Variants in MEST observed in about 807,000 individuals in gnomAD.
MEST encodes mesoderm-specific transcript homolog protein.
A neutral mutation model predicts 50.9 loss-of-function variants in MEST; 18 were observed. That is an observed-to-expected ratio of 0.35 (90% CI 0.24 to 0.52). MEST has a LOEUF of 0.52. Ranked by LOEUF, MEST falls within the 20% of genes least tolerant of loss-of-function variation. MEST has a pLI of 0.94. For missense variants in MEST, 282 were observed against 425.3 expected (o/e 0.66, Z 2.96); for synonymous variants, 130 against 154.1 (o/e 0.84, Z 1.16).
rs1799375895 is a variant in MEST, at chr7:130,503,978, A to T, written c.872A>T (p.Glu291Val). 2 of 1,613,264 alleles carry T rather than the reference A, an allele frequency of 1.2e-6. No individual in the cohort carries two copies. The highest frequency in any genetic ancestry group is 4.5e-5 in the East Asian group (2 of 44,876). The change falls in exon 11 of 12, where the codon GAG becomes GTG. Residue 291 changes from glutamate to valine, a missense_variant. Transcript: ENST00000223215. ...GPLDPVNPYP[E>V]FLELYRKTLP... Reference sequence around the variant, plus strand: ...TTGGATCCTGTAAATCCCTATCCAGAGTTTTTGGAGCTGTACAGGTGAGTC... The same window carrying T: ...TTGGATCCTGTAAATCCCTATCCAGTGTTTTTGGAGCTGTACAGGTGAGTC...
chr7:130,503,794 C>G, intron 10 of MEST, 139 bp from the exon 11 acceptor site: 1 of 637,560 alleles, frequency 1.6e-6, no homozygotes, highest in Non-Finnish European at 2.8e-6. Flanking sequence ...CCAGCCTGAG[C>G]AAGGGAGAGA....
At chr7:130,496,071 T>C (rs868992913) in intron 2 of MEST, 1 of 470,042 alleles carries the variant, frequency 2.1e-6, no homozygotes, top group Non-Finnish European at 4.4e-6. Context: ...TTAACCTCAT[T>C]TTATAGGTGA....
Position 130,500,957 on chromosome 7 carries a change from C to T in MEST, c.749+67C>T. On this transcript the variant is annotated intron_variant, in intron 9 of 11. Transcript: ENST00000223215. The surrounding 1 kb of genome is among the most constrained non-coding windows in gnomAD (Gnocchi z 5.0). ...TTGTGGAGAGTGGGGATTGCTTGTTCTGTTCCTTGCTGGCTTATTCCCTAT... is the reference window on the plus strand; with the variant it reads ...TTGTGGAGAGTGGGGATTGCTTGTTTTGTTCCTTGCTGGCTTATTCCCTAT... The T allele has an allele frequency of 7.4e-7, 1 of 1,351,132 alleles. No homozygotes were observed. The allele number at this position is 1,351,132 out of a possible 1,614,324, so 83.7% of individuals were successfully genotyped here. A position where few individuals can be genotyped will look rare whatever the true frequency, so the allele number is the denominator to read the frequency against.
chr7:130,497,066 T>C lies in MEST; in HGVS notation c.182-90T>C. 3 of 1,055,352 alleles carry C rather than the reference T, an allele frequency of 2.8e-6. No homozygotes were observed. The highest frequency in any genetic ancestry group is 1.6e-5 in the South Asian group (1 of 61,820). 65.4% of individuals were successfully genotyped at this position (1,055,352 alleles called of 1,614,324 possible). A position where few individuals can be genotyped will look rare whatever the true frequency, so the allele number is the denominator to read the frequency against. ...ATGTCAATTTGGTCACAGTTGCTTG[T>C]TCTTTGTATCAGATTACTTAGATTT... is the stretch of plus-strand genomic sequence containing the variant. On this transcript the variant is annotated intron_variant, in intron 2 of 11. Transcript: ENST00000223215. This position sits in a 1 kb window ranked among gnomAD's most constrained non-coding sequence, Gnocchi z 4.0.
At chr7:130,488,578 G>C (rs565396740), upstream of MEST, 54 of 152,316 alleles carry the variant, frequency 3.5e-4, no homozygotes, top group African/African-American at 1.3e-3. Flanking sequence ...CTAACACTTA[G>C]CGTTCCGAGC....
chr7:130,488,741 A>T (rs554275308), upstream of MEST: 4 of 152,164 alleles, frequency 2.6e-5, no homozygotes, highest in Non-Finnish European at 4.4e-5. Context: ...CATTTAGTTG[A>T]CCTTCTCTGA....
At position 130,500,993 on chromosome 7, in the gene MEST, C is replaced by A; in HGVS notation, c.749+103C>A. On this transcript the variant is annotated intron_variant, in intron 9 of 11. Transcript: ENST00000223215. This position sits in a 1 kb window ranked among gnomAD's most constrained non-coding sequence, Gnocchi z 5.0. Reference sequence around the variant, plus strand: ...TGGCTTATTCCCTATCACAGGAAGGCTGATGATGACCTATGGGGCAAACCA... The same window carrying A: ...TGGCTTATTCCCTATCACAGGAAGGATGATGATGACCTATGGGGCAAACCA... 1 of 967,380 alleles carries A rather than the reference C, an allele frequency of 1.0e-6. No individual in the cohort carries two copies. The highest frequency in any genetic ancestry group is 1.6e-6 in the Non-Finnish European group (1 of 644,454). The allele number at this position is 967,380 out of a possible 1,614,324, so 59.9% of individuals were successfully genotyped here.
chr7:130,497,630 A>G lies in MEST; in HGVS notation c.262-306A>G. On this transcript the variant is annotated intron_variant, in intron 3 of 11. Transcript: ENST00000223215. The surrounding 1 kb of genome is among the most constrained non-coding windows in gnomAD (Gnocchi z 4.0). Reference sequence around the variant, plus strand: ...GTTGTCAGCACCAGAAGGCTCTTGCACATTTGAATTGCTTTTAAAAAAACA... The same window carrying G: ...GTTGTCAGCACCAGAAGGCTCTTGCGCATTTGAATTGCTTTTAAAAAAACA... 2.9e-6 allele frequency: 1 copy of G among 345,108 alleles called. No homozygotes were observed. The highest frequency in any genetic ancestry group is 5.0e-5 in the South Asian group (1 of 19,892). The allele number at this position is 345,108 out of a possible 1,614,324, so 21.4% of individuals were successfully genotyped here.
At chr7:130,495,778 G>GTTTTTT (rs71178591) in intron 2 of MEST, 2,978 of 189,466 alleles carry the variant, frequency 0.016, 80 homozygotes, top group East Asian at 0.051. Context: ...TCCAATATTA[G>GTTTTTT]TTTTTTTTTT....
chr7:130,497,650 A>C lies in MEST; in HGVS notation c.262-286A>C. 1 of 387,906 alleles carries C rather than the reference A, an allele frequency of 2.6e-6. No homozygotes were observed. The highest frequency in any genetic ancestry group is 7.1e-4 in the Middle Eastern group (1 of 1,408). 24.0% of individuals were successfully genotyped at this position (387,906 alleles called of 1,614,324 possible). On this transcript the variant is annotated intron_variant, in intron 3 of 11. Transcript: ENST00000223215. This position sits in a 1 kb window ranked among gnomAD's most constrained non-coding sequence, Gnocchi z 4.0. Reference sequence around the variant, plus strand: ...CTTGCACATTTGAATTGCTTTTAAAAAAACATTAAATGTTGAACTGTTCCT... The same window carrying C: ...CTTGCACATTTGAATTGCTTTTAAACAAACATTAAATGTTGAACTGTTCCT...
At chr7:130,493,070 A>C (rs1554435861) in intron 1 of MEST, 1 of 152,128 alleles carries the variant, frequency 6.6e-6, no homozygotes, top group East Asian at 1.9e-4. Flanking sequence ...TTCAAGACCC[A>C]GGTATCACGG....
Position 130,498,444 on chromosome 7 carries a change from C to T in MEST, c.502C>T (p.Leu168Phe). ...GTACAAGCAGAATCGATCTGGTCGG[C>T]TTACCATAAAGAGTCTCTGTCTGTC... ...YRYKQNRSGR[L>F]TIKSLCLSNG... Residue 168 changes from leucine to phenylalanine, a missense_variant, in exon 6 of 12, where the codon CTT (leucine) becomes TTT (phenylalanine). By Grantham distance (22) the Leu-to-Phe change is conservative. Coordinates refer to ENST00000223215, the MANE Select transcript of MEST (RefSeq NM_002402.4). 3 of 1,614,148 alleles carry T rather than the reference C, an allele frequency of 1.9e-6. No individual in the cohort carries two copies. The highest frequency in any genetic ancestry group is 1.7e-5 in the Admixed American group (1 of 60,032).
upstream of MEST, chr7:130,489,451 CT>C (rs1239656319): frequency 6.6e-6 from 1 of 152,240 alleles, no homozygotes; most frequent in Non-Finnish European, 1.5e-5. Context: ...GGGTCAAATT[CT>C]CCCCCTGCGG....
chr7:130,505,802 A>G lies in MEST; in HGVS notation c.*746A>G, dbSNP rs1398206797. ...CCAAACTATTTCCTAAAATCACAGG[A>G]CATTAAGGACCAATAGCATCTGTGC... On this transcript the variant is annotated 3_prime_UTR_variant, in exon 12 of 12. Transcript: ENST00000223215. 2 of 152,246 alleles carry G rather than the reference A, an allele frequency of 1.3e-5. No individual in the cohort carries two copies. The highest frequency in any genetic ancestry group is 2.9e-5 in the Non-Finnish European group (2 of 68,040). 9.4% of individuals were successfully genotyped at this position (152,246 alleles called of 1,614,324 possible).
In MEST at chr7:130,492,551, T is replaced by G. The variant is rs1348741238; in HGVS notation, c.26+212T>G. ...GAATGTTCAGAACGCGGGACCTCCT[T>G]GGGTTAGGATTTCTAGACCCCGGGA... is the stretch of plus-strand genomic sequence containing the variant. On this transcript the variant is annotated intron_variant, in intron 1 of 11. Transcript: ENST00000223215. The surrounding 1 kb of genome is among the most constrained non-coding windows in gnomAD (Gnocchi z 7.6). 7.7e-6 allele frequency: 3 copies of G among 391,818 alleles called. No homozygotes were observed. The highest frequency in any genetic ancestry group is 6.2e-5 in the African/African-American group (3 of 48,192). The allele number at this position is 391,818 out of a possible 1,614,324, so 24.3% of individuals were successfully genotyped here.
rs1798852473 is a variant in MEST, at chr7:130,492,280, A to C, written c.-34A>C. The stretch of plus-strand genomic sequence containing the variant: ...GGCTCTGCGGCGCCCGGTGCTCTGC[A>C]ACGCTGCGGCGGGCGGCATGGGATA... On this transcript the variant is annotated 5_prime_UTR_variant, in exon 1 of 12. Coordinates refer to ENST00000223215, the MANE Select transcript of MEST (RefSeq NM_002402.4). This position sits in a 1 kb window ranked among gnomAD's most constrained non-coding sequence, Gnocchi z 7.6. The C allele has an allele frequency of 1.6e-5, 22 of 1,348,494 alleles. No homozygotes were observed. Among genetic ancestry groups the C allele is most frequent in the Non-Finnish European group, 2.0e-5 (21 of 1,051,492 alleles). 83.5% of individuals were successfully genotyped at this position (1,348,494 alleles called of 1,614,324 possible). A position where few individuals can be genotyped will look rare whatever the true frequency, so the allele number is the denominator to read the frequency against.
chr7:130,504,087 C>A, intron 11 of MEST, 91 bp downstream of exon 11: 2 of 1,028,476 alleles, frequency 1.9e-6, no homozygotes, highest in East Asian at 2.4e-5. Context: ...TTGGCTCTAG[C>A]CATTGTCTTT....
intron 1 of MEST, among the ~76,000 whole-genome samples, chr7:130,493,581 G>A (rs1470271942): frequency 6.6e-6 from 1 of 152,136 alleles, no homozygotes; most frequent in Non-Finnish European, 1.5e-5. Context: ...GGGTGTGGAG[G>A]GGGGTGTCCA....
At chr7:130,492,077 C>T, upstream of MEST, 1 of 250,222 alleles carries the variant, frequency 4.0e-6, no homozygotes, top group Non-Finnish European at 7.6e-6. This position sits in a 1 kb window ranked among gnomAD's most constrained non-coding sequence, Gnocchi z 7.6. Context: ...TGCCCACTCG[C>T]TCCGCGCTGC....
Sources: allele counts gnomAD v4.1 joint callset (sites outside exome capture counted in the v4.1 genomes callset), GRCh38; gene constraint gnomAD v4.1.1; non-coding constraint Gnocchi (gnomAD v3.1); transcripts MANE v1.5; gene names NCBI Gene and HGNC (gene_info 2026-07-23, HGNC 2026-07-21).